Variants in LAMA2 observed in about 807,000 individuals in gnomAD.
The protein encoded by LAMA2 is laminin subunit alpha-2.
Under a neutral mutation model 364.8 loss-of-function variants are expected in LAMA2, and 269 were observed. The ratio of observed to expected loss-of-function variants is 0.74; its 90% confidence interval spans 0.67 to 0.82. The LOEUF is 0.82. Among genes scored for constraint, LAMA2 ranks in the 40% least tolerant of loss-of-function variants. The pLI is 0.00. For missense variants in LAMA2, 3,807 were observed against 3,873.2 expected (o/e 0.98, Z 0.45); for synonymous variants, 1,379 against 1,370.6 (o/e 1.01, Z -0.14).
At chr6:129,293,163 G>A in intron 20 of LAMA2, 1 of 815,574 alleles carries the variant, frequency 1.2e-6, no homozygotes, top group Non-Finnish European at 1.5e-6. Context: ...AATAACAGTT[G>A]CTAAGTGTGC....
intron 29 of LAMA2, 87 bp from the exon 30 acceptor site, chr6:129,342,256 C>A: frequency 8.6e-7 from 1 of 1,158,464 alleles, no homozygotes; most frequent in Non-Finnish European, 1.3e-6. Flanking sequence ...TTCATAGACA[C>A]ACATTCATAG....
intron 4 of LAMA2, among the ~76,000 whole-genome samples, chr6:129,115,297 C>A (rs1302089555): frequency 6.6e-6 from 1 of 152,040 alleles, no homozygotes; most frequent in African/African-American, 2.4e-5. Context: ...AGCAAAAATA[C>A]AAATTGGTGT....
chr6:129,151,846 G>A (rs1192958741), intron 7 of LAMA2, among the ~76,000 whole-genome samples: 1 of 152,002 alleles, frequency 6.6e-6, no homozygotes, highest in African/African-American at 2.4e-5. Flanking sequence ...ATTTGGGTGG[G>A]GACACAGAGC....
At chr6:129,323,166 G>A (rs1212624799) in intron 28 of LAMA2, among the ~76,000 whole-genome samples, 3 of 152,072 alleles carry the variant, frequency 2.0e-5, no homozygotes, top group Non-Finnish European at 4.4e-5. Flanking sequence ...TGATTCCTAA[G>A]TGTAATTACC....
At chr6:129,154,994 A>G (rs968872193) in intron 8 of LAMA2, among the ~76,000 whole-genome samples, 3 of 152,248 alleles carry the variant, frequency 2.0e-5, no homozygotes, top group African/African-American at 7.2e-5. Context: ...AAATGAAATC[A>G]TACAGTACAT....
chr6:129,377,990 T>C (rs1334703850), intron 34 of LAMA2, among the ~76,000 whole-genome samples: 1 of 149,180 alleles, frequency 6.7e-6, no homozygotes, highest in Non-Finnish European at 1.5e-5. Context: ...AAAAACCTAG[T>C]TGAGTGAATG....
At chr6:129,090,189 C>T (rs1049435428) in intron 3 of LAMA2, among the ~76,000 whole-genome samples, 11 of 152,206 alleles carry the variant, frequency 7.2e-5, no homozygotes, top group African/African-American at 2.4e-4. Context: ...ATACCGTGGA[C>T]TCAAATGTAC....
intron 18 of LAMA2, among the ~76,000 whole-genome samples, chr6:129,287,388 C>T (rs541624625): frequency 8.8e-4 from 134 of 152,230 alleles, no homozygotes; most frequent in Middle Eastern, 3.4e-3. Context: ...AAATTCTGAA[C>T]TCTTATTACT....
chr6:129,430,534 T>C (rs957320696), intron 41 of LAMA2, among the ~76,000 whole-genome samples: 21 of 152,234 alleles, frequency 1.4e-4, no homozygotes, highest in African/African-American at 4.8e-4. Context: ...CCTGTCTACA[T>C]TGCACTGATC....
rs1312575932 is a variant in LAMA2, at chr6:129,355,600, T to TG, written c.4717+2248dup. Reference sequence around the variant, plus strand: ...AATCATGGTGGAATTGCATAAGGCCTGGGGGTGAGAGTAAGGGAGGTAGCT... The same window carrying TG: ...AATCATGGTGGAATTGCATAAGGCCTGGGGGGTGAGAGTAAGGGAGGTAGCT... On this transcript the variant is annotated intron_variant, in intron 32 of 64. Coordinates refer to ENST00000421865, the MANE Select transcript of LAMA2 (RefSeq NM_000426.4). Among the ~76,000 whole-genome samples, 4 of 152,130 alleles carry TG rather than the reference T, an allele frequency of 2.6e-5. No homozygotes were observed. In the East Asian group the frequency reaches 7.7e-4, roughly 29 times the overall value.
At chr6:128,935,915 C>T (rs533175129) in intron 1 of LAMA2, among the ~76,000 whole-genome samples, 1 of 152,214 alleles carries the variant, frequency 6.6e-6, no homozygotes, top group Non-Finnish European at 1.5e-5. Flanking sequence ...CCTCATCATC[C>T]CCATAATCCC....
At chr6:129,057,182 G>A (rs990438706) in intron 2 of LAMA2, among the ~76,000 whole-genome samples, 1 of 152,032 alleles carries the variant, frequency 6.6e-6, no homozygotes, top group Admixed American at 6.6e-5. Context: ...TCAAAACAGT[G>A]TACATTTTGA....
chr6:129,104,494 T>C (rs1367721826), intron 4 of LAMA2, among the ~76,000 whole-genome samples: 6 of 152,198 alleles, frequency 3.9e-5, no homozygotes, highest in African/African-American at 1.2e-4. Context: ...GTCTAAAGAA[T>C]TTTTGAGACA....
At chr6:129,370,868 G>A (rs567379962) in intron 34 of LAMA2, among the ~76,000 whole-genome samples, 17 of 152,288 alleles carry the variant, frequency 1.1e-4, no homozygotes, top group South Asian at 4.1e-4. Context: ...TACATAGCCT[G>A]CTGTCGGTTT....
intron 1 of LAMA2, among the ~76,000 whole-genome samples, chr6:128,905,004 A>G (rs1777338115): frequency 6.6e-6 from 1 of 152,196 alleles, no homozygotes; most frequent in African/African-American, 2.4e-5. Flanking sequence ...TAATATGTTA[A>G]ATGAAATAAT....
chr6:129,290,997 A>G (rs892481115), intron 19 of LAMA2, among the ~76,000 whole-genome samples: 1 of 152,164 alleles, frequency 6.6e-6, no homozygotes, highest in Admixed American at 6.5e-5. Context: ...ACCTCAAACC[A>G]TTTTTTAAAC....
At chr6:128,930,144 G>C (rs953007944) in intron 1 of LAMA2, among the ~76,000 whole-genome samples, 3 of 152,216 alleles carry the variant, frequency 2.0e-5, no homozygotes, top group African/African-American at 7.2e-5. Context: ...CCACTCTGAC[G>C]TGCACGGCGG....
intron 28 of LAMA2, among the ~76,000 whole-genome samples, chr6:129,325,861 A>T (rs1267923713): frequency 6.6e-6 from 1 of 152,004 alleles, no homozygotes; most frequent in Non-Finnish European, 1.5e-5. Context: ...TTTTTTTGAG[A>T]TGGAGTCTCG....
chr6:129,385,687 A>G (rs1044932728), intron 35 of LAMA2, among the ~76,000 whole-genome samples: 8 of 152,186 alleles, frequency 5.3e-5, no homozygotes, highest in African/African-American at 1.7e-4. Context: ...TGATTAGTTC[A>G]TAAATAAACT....
Sources: gnomAD v4.1 joint callset for allele counts (sites outside exome capture counted in the v4.1 genomes callset) on GRCh38, gnomAD v4.1.1 for gene constraint, MANE v1.5 for transcripts, NCBI Gene and HGNC (gene_info 2026-07-23, HGNC 2026-07-21) for gene names.